Variants in KHDRBS2 observed in about 807,000 individuals in gnomAD.
KHDRBS2 encodes the protein KH domain-containing, RNA-binding, signal transduction-associated protein 2.
KHDRBS2 carries 26 observed loss-of-function variants against 44.3 expected under a neutral mutation model. That is an observed-to-expected ratio of 0.59 (90% confidence interval 0.43 to 0.81). The LOEUF is 0.81. KHDRBS2 is among the 40% of genes least tolerant of loss of function. KHDRBS2 has a pLI of 0.00. For missense variants in KHDRBS2, 476 were observed against 433.1 expected (o/e 1.10, Z -0.88); for synonymous variants, 194 against 151.1 (o/e 1.28, Z -2.08).
At position 62,062,806 on chromosome 6, in the gene KHDRBS2, C is replaced by CA. The variant is rs917845525; in HGVS notation, c.220-14813dup. On this transcript the variant is annotated intron_variant, in intron 2 of 8. Coordinates refer to ENST00000281156, the MANE Select transcript of KHDRBS2 (RefSeq NM_152688.4). ...AGCAGAACTGAAGGAAATAGAGACA[C>CA]AAAAAACCCTTCAAAAAATCAATGA... 2.1e-3 allele frequency among the ~76,000 whole-genome samples: 303 copies of CA among 147,238 alleles called. 1 individual carries two copies. The highest frequency in any genetic ancestry group is 7.1e-3 in the African/African-American group (285 of 40,082).
At chr6:61,986,967 A>G (rs2127239945) in intron 3 of KHDRBS2, among the ~76,000 whole-genome samples, 1 of 152,336 alleles carries the variant, frequency 6.6e-6, no homozygotes, top group South Asian at 2.1e-4. Context: ...AATCATGTGT[A>G]CTTTCTTGAA....
intron 6 of KHDRBS2, among the ~76,000 whole-genome samples, chr6:61,812,380 T>G (rs2127237152): frequency 6.6e-6 from 1 of 152,208 alleles, no homozygotes; most frequent in African/African-American, 2.4e-5. Flanking sequence ...TGATAAATAA[T>G]AACTCCAAAG....
chr6:61,725,419 A>G (rs1194344622), intron 7 of KHDRBS2, among the ~76,000 whole-genome samples: 1 of 152,122 alleles, frequency 6.6e-6, no homozygotes, highest in Non-Finnish European at 1.5e-5. Flanking sequence ...CCCCAAAGCT[A>G]GTAGGAGACA....
chr6:62,138,019 C>A (rs1214401080), intron 2 of KHDRBS2, among the ~76,000 whole-genome samples: 1 of 152,122 alleles, frequency 6.6e-6, no homozygotes, highest in Non-Finnish European at 1.5e-5. Flanking sequence ...AAGGCATTTT[C>A]TATTCTCTCA....
intron 2 of KHDRBS2, among the ~76,000 whole-genome samples, chr6:62,073,031 T>C (rs1190203545): frequency 6.6e-6 from 1 of 152,088 alleles, no homozygotes; most frequent in Non-Finnish European, 1.5e-5. Flanking sequence ...CTGCTATCGG[T>C]CTATTCAGAG....
intron 7 of KHDRBS2, among the ~76,000 whole-genome samples, chr6:61,731,655 T>C (rs1156644232): frequency 6.6e-6 from 1 of 152,068 alleles, no homozygotes; most frequent in Non-Finnish European, 1.5e-5. Context: ...CCAATAAAGT[T>C]GGTCAAGAAA....
chr6:62,015,434 C>T (rs1037348359), intron 3 of KHDRBS2, among the ~76,000 whole-genome samples: 3 of 152,046 alleles, frequency 2.0e-5, no homozygotes, highest in Non-Finnish European at 4.4e-5. Context: ...CTGACTGCTG[C>T]AGTATTTTCA....
the KHDRBS2 span, among the ~76,000 whole-genome samples, chr6:61,633,631 G>GA: frequency 3.0e-4 from 46 of 151,934 alleles, no homozygotes; most frequent in Non-Finnish European, 5.4e-4. Context: ...CCTTAAAAAT[G>GA]GGGAACTCTG....
intron 1 of KHDRBS2, among the ~76,000 whole-genome samples, chr6:62,280,247 G>T (rs1351485214): frequency 6.6e-6 from 1 of 152,148 alleles, no homozygotes; most frequent in Admixed American, 6.5e-5. Flanking sequence ...TATGGACTAC[G>T]CCTTGCAGGC....
chr6:62,072,402 C>T (rs1795349138), intron 2 of KHDRBS2, among the ~76,000 whole-genome samples: 1 of 151,834 alleles, frequency 6.6e-6, no homozygotes, highest in Admixed American at 6.6e-5. Flanking sequence ...GGTGAGAGGG[C>T]ATCCCTGTCT....
chr6:61,946,459 T>C (rs1266968288), intron 4 of KHDRBS2, among the ~76,000 whole-genome samples: 1 of 152,224 alleles, frequency 6.6e-6, no homozygotes, highest in Non-Finnish European at 1.5e-5. Flanking sequence ...TTTTAAATAG[T>C]GCAGAATATT....
At chr6:62,083,556 G>C (rs1291089518) in intron 2 of KHDRBS2, among the ~76,000 whole-genome samples, 6 of 152,064 alleles carry the variant, frequency 3.9e-5, no homozygotes, top group Non-Finnish European at 8.8e-5. Context: ...CATGCCCTCT[G>C]GGGTCCAGGG....
chr6:61,747,660 C>G (rs140843555), intron 6 of KHDRBS2, among the ~76,000 whole-genome samples: 3 of 152,030 alleles, frequency 2.0e-5, no homozygotes, highest in East Asian at 1.9e-4. Flanking sequence ...CATATGGTAC[C>G]GAATGTTACA....
chr6:61,635,853 C>G, the KHDRBS2 span, among the ~76,000 whole-genome samples: 2 of 151,892 alleles, frequency 1.3e-5, no homozygotes, highest in East Asian at 3.9e-4. Flanking sequence ...TTTCCTTTAC[C>G]ATTCTAATTC....
chr6:61,935,154 G>T (rs1414063046), intron 4 of KHDRBS2, among the ~76,000 whole-genome samples: 1 of 152,142 alleles, frequency 6.6e-6, no homozygotes, highest in Non-Finnish European at 1.5e-5. Context: ...ATTCTTGAGG[G>T]TTGGAATTTC....
intron 6 of KHDRBS2, among the ~76,000 whole-genome samples, chr6:61,782,674 G>C (rs186618599): frequency 7.8e-6 from 1 of 128,380 alleles, no homozygotes; most frequent in African/African-American, 2.8e-5. Context: ...TTTTATACCT[G>C]TGTATAAAGG....
At chr6:61,801,338 T>TA (rs1786239226) in intron 6 of KHDRBS2, among the ~76,000 whole-genome samples, 1 of 152,096 alleles carries the variant, frequency 6.6e-6, no homozygotes, top group East Asian at 1.9e-4. Context: ...AAAATGGTGC[T>TA]AAAAGCATAC....
intron 2 of KHDRBS2, among the ~76,000 whole-genome samples, chr6:62,158,457 C>T (rs1343236214): frequency 6.6e-6 from 1 of 152,056 alleles, no homozygotes; most frequent in Non-Finnish European, 1.5e-5. Context: ...CATAGTTAAA[C>T]GATAGTGCAG....
intron 1 of KHDRBS2, among the ~76,000 whole-genome samples, chr6:62,281,830 G>A (rs1841852228): frequency 6.6e-6 from 1 of 152,128 alleles, no homozygotes; most frequent in African/African-American, 2.4e-5. Context: ...TTCCCAGTAG[G>A]TAGAAGTGTC....
Sources: allele counts gnomAD v4.1 joint callset (sites outside exome capture counted in the v4.1 genomes callset), GRCh38; gene constraint gnomAD v4.1.1; transcripts MANE v1.5; gene names NCBI Gene and HGNC (gene_info 2026-07-23, HGNC 2026-07-21).